MVP: variants seen among roughly 807,000 people sequenced by gnomAD.
MVP encodes lung resistance-related protein.
A neutral mutation model predicts 83.5 loss-of-function variants in MVP; 62 were observed. That is an observed-to-expected ratio of 0.74 (90% CI 0.61 to 0.92). MVP has a LOEUF of 0.92. Among genes scored for constraint, MVP ranks in the 40% least tolerant of loss-of-function variants. MVP has a pLI of 0.00. For synonymous variants in MVP, 505 were observed against 504.1 expected, an observed-to-expected ratio of 1.00 and a Z score of -0.02; for missense variants, 1,000 against 1,203.4, an observed-to-expected ratio of 0.83 and a Z score of 2.50.
intron 6 of MVP, 135 bp downstream of exon 6, chr16:29,835,933 C>T: frequency 1.4e-6 from 1 of 721,422 alleles, no homozygotes; most frequent in East Asian, 2.7e-5. Flanking sequence ...ATTCAGAGAT[C>T]AGATTGCCTG....
chr16:29,830,410 T>C, intron 1 of MVP, 105 bp from the exon 2 acceptor site: 1 of 946,608 alleles, frequency 1.1e-6, no homozygotes. Context: ...GTGGCCTGGC[T>C]GGAGGAGGTA....
rs1425084379 is a variant in MVP, at chr16:29,841,372, T to G, written c.1192-224T>G. ...ACCCTGCAAGGTAGCCACCGTCAAGTCCACTTGACACATGAGGAAACTGAA... is the reference window on the plus strand; with the variant it reads ...ACCCTGCAAGGTAGCCACCGTCAAGGCCACTTGACACATGAGGAAACTGAA... On this transcript the variant is annotated intron_variant, in intron 8 of 14. Coordinates refer to ENST00000357402, the MANE Select transcript of MVP (RefSeq NM_005115.5). This position sits in a 1 kb window ranked among gnomAD's most constrained non-coding sequence, Gnocchi z 4.7. Among the ~76,000 whole-genome samples the G allele has an allele frequency of 2.0e-5, 3 of 152,134 alleles. No homozygotes were observed. Among genetic ancestry groups the G allele is most frequent in the Non-Finnish European group, 4.4e-5 (3 of 68,022 alleles).
At position 29,835,792 on chromosome 16, in the gene MVP, G is replaced by A. The variant is rs150973100; in HGVS notation, c.666G>A (p.Thr222=). Residue 222 remains threonine, a synonymous_variant, in exon 6 of 15, where the codon ACG becomes ACA. Transcript: ENST00000357402. ...ATTTGGTGGACGCCGTCATCCTTAC[G>A]GAAAAGGTTGGTGCTCTGGGGGCTG... ...VLDLVDAVIL[T]EKTALHLRAR... The A allele has an allele frequency of 6.3e-4, 1,013 of 1,613,364 alleles. 1 individual carries two copies. The highest frequency in any genetic ancestry group is 8.2e-4 in the Non-Finnish European group (964 of 1,179,848).
intron 1 of MVP, among the ~76,000 whole-genome samples, chr16:29,824,204 T>C (rs1596907062): frequency 1.3e-5 from 1 of 77,942 alleles, no homozygotes; most frequent in Non-Finnish European, 2.2e-5. Flanking sequence ...AGCACGAAAC[T>C]CCATCTCAAA....
chr16:29,829,201 C>T (rs993788408), intron 1 of MVP, among the ~76,000 whole-genome samples: 5 of 151,382 alleles, frequency 3.3e-5, no homozygotes, highest in Admixed American at 6.6e-5. Context: ...AGAGGCTCCT[C>T]ATCGGCCAGG....
intron 7 of MVP, 118 bp downstream of exon 7, chr16:29,837,076 T>TG (rs2067494133): frequency 1.1e-6 from 1 of 927,944 alleles, no homozygotes; most frequent in South Asian, 1.7e-5. Context: ...TCTGTGCCTT[T>TG]GCATGCTTAG....
Position 29,844,621 on chromosome 16 carries a change from T to C in MVP, c.1763T>C (p.Phe588Ser), listed in dbSNP as rs760116498. ...CGGGGGGCCGTGGCCTCTGTCACTT[T>C]CGATGACTTCCATAAGAACTCAGCC... ...RVRGAVASVTFDDFHKNSARI... is the reference protein window; with the variant it reads ...RVRGAVASVTSDDFHKNSARI... Residue 588 changes from phenylalanine to serine, a missense_variant, in exon 11 of 15, where the codon TTC becomes TCC. By Grantham distance (155) the Phe-to-Ser change is radical. Transcript: ENST00000357402. The C allele has an allele frequency of 6.2e-7, 1 of 1,614,126 alleles. No individual in the cohort carries two copies. The highest frequency in any genetic ancestry group is 8.5e-7 in the Non-Finnish European group (1 of 1,179,978).
chr16:29,827,004 C>T lies in MVP; in HGVS notation c.-35-3511C>T, dbSNP rs373061543. 3.3e-5 allele frequency among the ~76,000 whole-genome samples: 5 copies of T among 151,702 alleles called. No homozygotes were observed. The East Asian group carries it at 9.7e-4, about 29-fold the overall frequency. ...AGGAAGTCGTCTTTCCAGAACAGAG[C>T]CCCGTATTGTGGAGCAACTGGGGGG... On this transcript the variant is annotated intron_variant, in intron 1 of 14. Transcript: ENST00000357402.
chr16:29,837,018 T>C, intron 7 of MVP, 60 bp downstream of exon 7: 4 of 1,460,542 alleles, frequency 2.7e-6, no homozygotes, highest in South Asian at 2.6e-5. Flanking sequence ...TCTAGTGGCA[T>C]GAGGCCCTCT....
At chr16:29,844,195 G>T (rs1425190917) in intron 10 of MVP, among the ~76,000 whole-genome samples, 1 of 152,196 alleles carries the variant, frequency 6.6e-6, no homozygotes, top group Non-Finnish European at 1.5e-5. Flanking sequence ...TGGCTGAGTG[G>T]GATTAAAGGA....
At chr16:29,833,502 T>G in intron 3 of MVP, 1 of 263,354 alleles carries the variant, frequency 3.8e-6, no homozygotes, top group South Asian at 7.1e-5. Context: ...AGAGATGGGA[T>G]CTTGCTATGT....
rs573622698 is a variant in MVP, at chr16:29,828,726, C to T, written c.-35-1789C>T. On this transcript the variant is annotated intron_variant, in intron 1 of 14. Coordinates refer to ENST00000357402, the MANE Select transcript of MVP (RefSeq NM_005115.5). ...AGAGCTGGGCAGTGCAATGGCATAG[C>T]TGTAAGGCAGCAGGGGGTGGTGGGG... Among the ~76,000 whole-genome samples, 6 of 152,254 alleles carry T rather than the reference C, an allele frequency of 3.9e-5. No individual in the cohort carries two copies. In the South Asian group the frequency reaches 1.2e-3, roughly 32 times the overall value.
Position 29,840,443 on chromosome 16 carries a change from A to T in MVP, c.1175A>T (p.Asp392Val). ...GAGAACGAGGGCATCTATGTGCAGG[A>T]TGTCAAGACCGGAAAGGTAATGGCT... ...LDENEGIYVQ[D>V]VKTGKVRAVI... is the part of the protein sequence containing the mutation. The change falls in exon 8 of 15, where the codon GAT becomes GTT. Residue 392 changes from aspartate to valine, a missense_variant. By Grantham distance (152) the Asp-to-Val change is radical. Transcript: ENST00000357402. 1 of 1,572,818 alleles carries T rather than the reference A, an allele frequency of 6.4e-7. No homozygotes were observed. The highest frequency in any genetic ancestry group is 8.6e-7 in the Non-Finnish European group (1 of 1,158,982).
At chr16:29,832,586 C>A (rs375785033) in intron 3 of MVP, among the ~76,000 whole-genome samples, 2 of 147,216 alleles carry the variant, frequency 1.4e-5, no homozygotes, top group African/African-American at 5.0e-5. Flanking sequence ...CGTGAGCCAC[C>A]GCGCCTGGCC....
chr16:29,827,400 G>C (rs2067411543), intron 1 of MVP, among the ~76,000 whole-genome samples: 1 of 152,204 alleles, frequency 6.6e-6, no homozygotes, highest in Admixed American at 6.6e-5. Context: ...CAGCCGATCA[G>C]AGTTGTAAGC....
At chr16:29,836,697 A>G in intron 6 of MVP, 25 bp from the exon 7 acceptor site, 1 of 1,526,402 alleles carries the variant, frequency 6.6e-7, no homozygotes, top group Admixed American at 2.0e-5. Flanking sequence ...CAGGTCACTC[A>G]AATACCCAAC....
chr16:29,841,741 T>TC lies in MVP; in HGVS notation c.1339dup (p.Gln447ProfsTer39), dbSNP rs1393156781. On this transcript the variant is annotated frameshift_variant, in exon 9 of 15. Coordinates refer to ENST00000357402, the MANE Select transcript of MVP (RefSeq NM_005115.5). LOFTEE classifies it high-confidence loss of function. The surrounding 1 kb of genome is among the most constrained non-coding windows in gnomAD (Gnocchi z 4.7). ...GGTGAGAAGGACACAGCTAAGAGCCTCCAGCCCTTGGCGCCCCGGAACAAG... is the reference window on the plus strand; with the variant it reads ...GGTGAGAAGGACACAGCTAAGAGCCTCCCAGCCCTTGGCGCCCCGGAACAAG... The TC allele has an allele frequency of 6.2e-7, 1 of 1,613,318 alleles. No individual in the cohort carries two copies. Among genetic ancestry groups the TC allele is most frequent in the African/African-American group, 1.3e-5 (1 of 75,004 alleles).
At position 29,833,970 on chromosome 16, in the gene MVP, G is replaced by T. The variant is rs2067465439; in HGVS notation, c.481G>T (p.Glu161Ter). 2 of 1,614,092 alleles carry T rather than the reference G, an allele frequency of 1.2e-6. No individual in the cohort carries two copies. Among genetic ancestry groups the T allele is most frequent in the South Asian group, 1.1e-5 (1 of 91,062 alleles). Residue 161 changes from glutamate (E) to a stop codon, truncating the protein, a stop_gained, in exon 5 of 15, where the codon GAG becomes TAG. Transcript: ENST00000357402. LOFTEE classifies it high-confidence loss of function. ...CCCCCGGAAGGAAGTGGAGGTCGTGGAGATCATTCAGGCCACCATCATCAG... is the reference window on the plus strand; with the variant it reads ...CCCCCGGAAGGAAGTGGAGGTCGTGTAGATCATTCAGGCCACCATCATCAG... ...YIPRKEVEVV[E>*]IIQATIIRQN...
At chr16:29,824,600 T>TA (rs1174755460) in intron 1 of MVP, among the ~76,000 whole-genome samples, 1 of 151,972 alleles carries the variant, frequency 6.6e-6, no homozygotes, top group Non-Finnish European at 1.5e-5. Context: ...TCTACTAAAA[T>TA]ACAAAAAATT....
Sources: gnomAD v4.1 joint callset for allele counts (sites outside exome capture counted in the v4.1 genomes callset) on GRCh38, gnomAD v4.1.1 for gene constraint, Gnocchi (gnomAD v3.1) non-coding constraint, MANE v1.5 for transcripts, NCBI Gene and HGNC (gene_info 2026-07-23, HGNC 2026-07-21) for gene names.